NRXN3: variants seen among roughly 807,000 people sequenced by gnomAD.
NRXN3 encodes the protein neurexin 3.
A neutral mutation model predicts 137.6 loss-of-function variants in NRXN3; 32 were observed. The observed-to-expected ratio is 0.23, with a 90% CI of 0.18 to 0.31. The LOEUF (loss-of-function observed/expected upper bound fraction) is 0.31, where lower values mean the gene tolerates loss of function less well. NRXN3 is among the 10% of genes least tolerant of loss of function. The pLI is 1.00. For synonymous variants in NRXN3, 798 were observed against 784.5 expected, an observed-to-expected ratio of 1.02 and a Z score of -0.29; for missense variants, 1,574 against 2,062.5, an observed-to-expected ratio of 0.76 and a Z score of 4.59.
At chr14:78,601,566 C>A (rs892444656) in intron 4 of NRXN3, among the ~76,000 whole-genome samples, 1 of 151,940 alleles carries the variant, frequency 6.6e-6, no homozygotes, top group East Asian at 1.9e-4. Flanking sequence ...CATTCTCCTG[C>A]CTCAGCCTCC....
chr14:78,939,306 AAAT>A (rs2099348559), intron 10 of NRXN3, among the ~76,000 whole-genome samples: 1 of 152,222 alleles, frequency 6.6e-6, no homozygotes, highest in Non-Finnish European at 1.5e-5. Context: ...ATTGTTTATT[AAAT>A]CAATTTAAGG....
At position 79,667,018 on chromosome 14, in the gene NRXN3, C is replaced by A. The variant is rs150770654; in HGVS notation, c.3616+3069C>A. Among the ~76,000 whole-genome samples the A allele has an allele frequency of 2.0e-3, 303 of 151,910 alleles. 1 individual carries two copies. Among genetic ancestry groups the A allele is most frequent in the African/African-American group, 6.9e-3 (288 of 41,446 alleles). On this transcript the variant is annotated intron_variant, in intron 17 of 20. Transcript: ENST00000335750. The stretch of plus-strand genomic sequence containing the variant: ...CGGTTCACTTTTTGAGCCTTGGATA[C>A]CTTATTTTCTCTCCTCTCTGCTTCC...
intron 4 of NRXN3, among the ~76,000 whole-genome samples, chr14:78,631,462 T>C (rs1479220112): frequency 6.6e-6 from 1 of 152,212 alleles, no homozygotes; most frequent in African/African-American, 2.4e-5. Context: ...TCATAACTCG[T>C]GGATTAAAAA....
intron 15 of NRXN3, among the ~76,000 whole-genome samples, chr14:79,456,409 G>A (rs934881805): frequency 2.0e-5 from 3 of 152,080 alleles, no homozygotes; most frequent in Non-Finnish European, 2.9e-5. Context: ...TAGACTACAT[G>A]AGTTAGCTAT....
chr14:78,226,917 C>T (rs1008750149), intron 1 of NRXN3, among the ~76,000 whole-genome samples: 7 of 152,182 alleles, frequency 4.6e-5, no homozygotes, highest in Non-Finnish European at 7.3e-5. Flanking sequence ...CTCACTGTGA[C>T]AGGGCAGAGT....
intron 4 of NRXN3, among the ~76,000 whole-genome samples, chr14:78,399,061 A>G (rs909910444): frequency 2.6e-5 from 4 of 152,152 alleles, no homozygotes; most frequent in African/African-American, 9.7e-5. Flanking sequence ...TTGACTAGAG[A>G]TAGCAGGCCT....
At chr14:78,187,781 G>GTTTTT (rs58649555) in intron 1 of NRXN3, among the ~76,000 whole-genome samples, 3 of 133,722 alleles carry the variant, frequency 2.2e-5, no homozygotes. Context: ...GATTTTAGTT[G>GTTTTT]TTTTTTTTTT....
At chr14:79,415,762 T>C (rs1263463006) in intron 15 of NRXN3, among the ~76,000 whole-genome samples, 1 of 152,092 alleles carries the variant, frequency 6.6e-6, no homozygotes, top group African/African-American at 2.4e-5. Context: ...AACTGATGTA[T>C]CCTGTTTCAA....
chr14:78,375,131 A>T (rs1181278733), intron 4 of NRXN3, among the ~76,000 whole-genome samples: 1 of 152,222 alleles, frequency 6.6e-6, no homozygotes, highest in African/African-American at 2.4e-5. Flanking sequence ...TGATAGACTT[A>T]CTTTTCCTAA....
At chr14:79,096,863 C>G (rs1039153615) in intron 15 of NRXN3, among the ~76,000 whole-genome samples, 1 of 152,070 alleles carries the variant, frequency 6.6e-6, no homozygotes, top group Non-Finnish European at 1.5e-5. Flanking sequence ...TCTCTCATGT[C>G]GACCCCATTC....
intron 15 of NRXN3, among the ~76,000 whole-genome samples, chr14:79,190,481 G>A (rs1055472599): frequency 6.6e-6 from 1 of 152,114 alleles, no homozygotes; most frequent in South Asian, 2.1e-4. Context: ...ATTTTTAATG[G>A]ACACGTAGTG....
At chr14:79,752,829 G>A (rs1190775586) in intron 19 of NRXN3, among the ~76,000 whole-genome samples, 1 of 151,912 alleles carries the variant, frequency 6.6e-6, no homozygotes, top group Non-Finnish European at 1.5e-5. Context: ...TCTGACAAAG[G>A]GCTAATATCC....
intron 4 of NRXN3, among the ~76,000 whole-genome samples, chr14:78,450,521 A>C (rs1288332689): frequency 6.6e-6 from 1 of 152,018 alleles, no homozygotes; most frequent in Non-Finnish European, 1.5e-5. Flanking sequence ...TGATTTTCGC[A>C]CGCTTTACTT....
At chr14:78,845,596 A>G (rs2099024333) in intron 10 of NRXN3, among the ~76,000 whole-genome samples, 1 of 151,888 alleles carries the variant, frequency 6.6e-6, no homozygotes, top group South Asian at 2.1e-4. Context: ...TTATTTTTTC[A>G]TTCAATGAAC....
At chr14:78,931,436 G>A (rs546128852) in intron 10 of NRXN3, among the ~76,000 whole-genome samples, 1 of 152,236 alleles carries the variant, frequency 6.6e-6, no homozygotes, top group African/African-American at 2.4e-5. Context: ...ATTTCCATGC[G>A]ATAATGATAG....
chr14:78,419,085 G>A (rs1319769014), intron 4 of NRXN3, among the ~76,000 whole-genome samples: 1 of 152,116 alleles, frequency 6.6e-6, no homozygotes, highest in Non-Finnish European at 1.5e-5. Context: ...ACCATCTTTG[G>A]GGTGGGTTAT....
At chr14:79,616,602 T>TC (rs1484193160) in intron 16 of NRXN3, among the ~76,000 whole-genome samples, 1 of 152,032 alleles carries the variant, frequency 6.6e-6, no homozygotes, top group Non-Finnish European at 1.5e-5. Context: ...GTACACCAAA[T>TC]CCCCATGACA....
chr14:78,825,241 A>G (rs1017084462), intron 10 of NRXN3, among the ~76,000 whole-genome samples: 1 of 151,172 alleles, frequency 6.6e-6, no homozygotes, highest in Non-Finnish European at 1.5e-5. Context: ...AAAAATTTGC[A>G]CCCATTCCTG....
At chr14:79,048,112 A>G (rs915825104) in intron 15 of NRXN3, among the ~76,000 whole-genome samples, 11 of 152,336 alleles carry the variant, frequency 7.2e-5, no homozygotes, top group African/African-American at 2.6e-4. Context: ...AGTAAATGCA[A>G]CAACATGTAT....
Sources: gnomAD v4.1 joint callset for allele counts (sites outside exome capture counted in the v4.1 genomes callset) on GRCh38, gnomAD v4.1.1 for gene constraint, MANE v1.5 for transcripts, NCBI Gene and HGNC (gene_info 2026-07-23, HGNC 2026-07-21) for gene names.